The following TIAM1 variants were observed in gnomAD, a reference collection of about 807,000 sequenced individuals.
TIAM1 encodes TIAM Rac1 associated GEF 1, also known as rho guanine nucleotide exchange factor TIAM1.
Under a neutral mutation model 163.5 loss-of-function variants are expected in TIAM1, and 65 were observed. That is an observed-to-expected ratio of 0.40 (90% CI 0.33 to 0.49). The LOEUF is 0.49. Ranked by LOEUF, TIAM1 falls within the 20% of genes least tolerant of loss-of-function variation. The pLI is 0.77. For missense variants in TIAM1, 1,789 were observed against 2,044.7 expected (o/e 0.87, Z 2.41); for synonymous variants, 833 against 810.1 (o/e 1.03, Z -0.48).
intron 4 of TIAM1, among the ~76,000 whole-genome samples, chr21:31,255,770 G>C (rs2072064808): frequency 1.3e-5 from 2 of 152,226 alleles, no homozygotes; most frequent in African/African-American, 4.8e-5. Flanking sequence ...CATGGTTCAT[G>C]ATCTAGCTGA....
chr21:31,544,045 A>G (rs2048406845), intron 1 of TIAM1, among the ~76,000 whole-genome samples: 1 of 151,506 alleles, frequency 6.6e-6, no homozygotes, highest in Admixed American at 6.6e-5. Flanking sequence ...ACCCATCTGT[A>G]TTAAAAATAT....
At chr21:31,452,383 G>A (rs1158266603) in intron 2 of TIAM1, 2 of 242,764 alleles carry the variant, frequency 8.2e-6, no homozygotes, top group South Asian at 7.2e-5. Flanking sequence ...AGATTGCAGT[G>A]AGCCAAGATC....
intron 25 of TIAM1, among the ~76,000 whole-genome samples, chr21:31,127,412 C>CTTTTTTTTTTTTTTT (rs199978005): frequency 7.1e-6 from 1 of 140,734 alleles, no homozygotes; most frequent in Non-Finnish European, 1.6e-5. Flanking sequence ...ATGGACCGAA[C>CTTTTTTTTTTTTTTT]TTTTTTTTTT....
chr21:31,137,096 C>A (rs567474136), intron 22 of TIAM1, among the ~76,000 whole-genome samples: 89 of 152,348 alleles, frequency 5.8e-4, no homozygotes, highest in African/African-American at 2.0e-3. Context: ...AACGTCTATG[C>A]CTCACAACAG....
intron 1 of TIAM1, among the ~76,000 whole-genome samples, chr21:31,480,329 T>C (rs941426747): frequency 1.3e-5 from 2 of 152,224 alleles, no homozygotes; most frequent in African/African-American, 4.8e-5. Context: ...TTTATTTCTT[T>C]GCTACTCAAT....
chr21:31,438,262 G>A (rs995712497), intron 2 of TIAM1, among the ~76,000 whole-genome samples: 1 of 140,080 alleles, frequency 7.1e-6, no homozygotes, highest in African/African-American at 2.8e-5. Context: ...CATGATCTGG[G>A]CCCACCACAA....
chr21:31,194,470 A>AG (rs2085751516), intron 13 of TIAM1, among the ~76,000 whole-genome samples: 1 of 152,140 alleles, frequency 6.6e-6, no homozygotes, highest in South Asian at 2.1e-4. Flanking sequence ...AGTTTTCGGG[A>AG]GGGGGTGTAA....
At chr21:31,459,029 GT>G (rs1012704243) in intron 2 of TIAM1, among the ~76,000 whole-genome samples, 34 of 152,208 alleles carry the variant, frequency 2.2e-4, no homozygotes, top group African/African-American at 8.0e-4. Flanking sequence ...AGGCCTCCTA[GT>G]CCCAGCAGAA....
rs202026633 is a variant in TIAM1 at position 31,120,465 on chromosome 21, G to A, written c.4679C>T (p.Ser1560Leu). ...GCTCTCCAGGCCTCCATTGATCCCC[G>A]ACAGGGCAGCTTGCTTCTTGAGCTG... ...MAQLKKQAAL[S>L]GINGGLESAS... The change falls in exon 28 of 28, where the codon TCG becomes TTG. Residue 1560 changes from serine (S) to leucine (L), a missense_variant. Physicochemically the swap from Ser to Leu is moderately radical, Grantham distance 145. This residue lies in a region of TIAM1 where 415 missense variants were observed against 439.2 expected (regional missense o/e 0.94). Coordinates refer to ENST00000541036, the MANE Select transcript of TIAM1 (RefSeq NM_001353694.2). The surrounding 1 kb of genome is among the most constrained non-coding windows in gnomAD (Gnocchi z 4.2). The A allele has an allele frequency of 8.7e-6, 14 of 1,614,066 alleles. No homozygotes were observed. Among genetic ancestry groups the A allele is most frequent in the South Asian group, 4.4e-5 (4 of 91,094 alleles).
intron 16 of TIAM1, among the ~76,000 whole-genome samples, chr21:31,160,263 G>A (rs539240381): frequency 1.0e-3 from 154 of 152,146 alleles, no homozygotes; most frequent in African/African-American, 3.5e-3. Context: ...ACCTCCCCAC[G>A]TCCCCCACCA....
rs377608215 is a variant in TIAM1 at position 31,468,192 on chromosome 21, T to G, written c.-421-4157A>C. On this transcript the variant is annotated intron_variant, in intron 1 of 28. Coordinates refer to the TIAM1 transcript ENST00000286827. Reference sequence around the variant, plus strand: ...GAGGTTATTTAAGAATCCAGAAGGGTTGGTCACACACAGTGGCTCACGCAT... The same window carrying G: ...GAGGTTATTTAAGAATCCAGAAGGGGTGGTCACACACAGTGGCTCACGCAT... 9.3e-5 allele frequency among the ~76,000 whole-genome samples: 14 copies of G among 151,098 alleles called. 1 individual carries two copies. The East Asian group carries it at 2.2e-3, about 23-fold the overall frequency.
At chr21:31,267,871 C>T (rs1446808410) in intron 3 of TIAM1, among the ~76,000 whole-genome samples, 1 of 152,226 alleles carries the variant, frequency 6.6e-6, no homozygotes, top group Non-Finnish European at 1.5e-5. Context: ...TGTGAAACCA[C>T]TAAGTGTGAT....
At chr21:31,504,703 G>C (rs1333766087) in intron 1 of TIAM1, among the ~76,000 whole-genome samples, 2 of 152,136 alleles carry the variant, frequency 1.3e-5, no homozygotes, top group Non-Finnish European at 2.9e-5. Context: ...GCAGAACTCA[G>C]TTTGGTTTTT....
At chr21:31,135,231 ACAACAAGCTATG>A in intron 23 of TIAM1, among the ~76,000 whole-genome samples, 1 of 152,248 alleles carries the variant, frequency 6.6e-6, no homozygotes, top group Admixed American at 6.5e-5. Flanking sequence ...TTACATTGCA[ACAACAAGCTATG>A]TTTCCTAAAT....
chr21:31,448,605 C>G (rs1205186734), intron 2 of TIAM1, among the ~76,000 whole-genome samples: 2 of 75,036 alleles, frequency 2.7e-5, no homozygotes, highest in African/African-American at 1.3e-4. Context: ...GACTCCATCT[C>G]AATTAAAAAA....
At chr21:31,451,563 G>T (rs2044841243) in intron 2 of TIAM1, among the ~76,000 whole-genome samples, 1 of 152,054 alleles carries the variant, frequency 6.6e-6, no homozygotes, top group Non-Finnish European at 1.5e-5. Context: ...GCTTGGGAGG[G>T]GTAATGGGAA....
chr21:31,418,299 G>A (rs1190435100), intron 2 of TIAM1, among the ~76,000 whole-genome samples: 5 of 127,396 alleles, frequency 3.9e-5, no homozygotes, highest in Middle Eastern at 6.0e-3. Flanking sequence ...CCGAGATCAC[G>A]CCACTGCACT....
At chr21:31,436,072 C>A (rs1054695747) in intron 2 of TIAM1, among the ~76,000 whole-genome samples, 2 of 152,158 alleles carry the variant, frequency 1.3e-5, no homozygotes, top group Non-Finnish European at 2.9e-5. Flanking sequence ...CTCCATAAAG[C>A]CTCATTTTAT....
At chr21:31,462,178 A>AT (rs2045352514) in intron 2 of TIAM1, among the ~76,000 whole-genome samples, 1 of 152,244 alleles carries the variant, frequency 6.6e-6, no homozygotes, top group Non-Finnish European at 1.5e-5. Context: ...TTTATAGGCC[A>AT]TATTTCACAA....
Sources: allele counts gnomAD v4.1 joint callset (sites outside exome capture counted in the v4.1 genomes callset), GRCh38; gene constraint gnomAD v4.1.1; regional missense constraint gnomAD v4.1.1; non-coding constraint Gnocchi (gnomAD v3.1); transcripts MANE v1.5; gene names NCBI Gene and HGNC (gene_info 2026-07-23, HGNC 2026-07-21).